The following ADAMTS19 variants were observed in gnomAD, a reference collection of about 807,000 sequenced individuals.
ADAMTS19 encodes A disintegrin and metalloproteinase with thrombospondin motifs 19.
A neutral mutation model predicts 153.3 loss-of-function variants in ADAMTS19; 93 were observed. The observed-to-expected ratio is 0.61, with a 90% CI of 0.51 to 0.72. The LOEUF (loss-of-function observed/expected upper bound fraction) is 0.72, where lower values mean the gene tolerates loss of function less well. ADAMTS19 is among the 30% of genes least tolerant of loss of function. ADAMTS19 has a pLI of 0.00. For missense variants in ADAMTS19, 1,482 were observed against 1,552.1 expected (o/e 0.95, Z 0.76); for synonymous variants, 600 against 556.6 (o/e 1.08, Z -1.10).
intron 3 of ADAMTS19, among the ~76,000 whole-genome samples, chr5:129,518,320 AC>A (rs1751682139): frequency 6.6e-6 from 1 of 151,948 alleles, no homozygotes; most frequent in Non-Finnish European, 1.5e-5. Flanking sequence ...ATTATGTATT[AC>A]TCATTAATGT....
intron 21 of ADAMTS19, among the ~76,000 whole-genome samples, chr5:129,707,169 T>G (rs1756200620): frequency 6.6e-6 from 1 of 152,200 alleles, no homozygotes; most frequent in African/African-American, 2.4e-5. Flanking sequence ...ACTTTTTGCA[T>G]ATGTGGGTTC....
intron 21 of ADAMTS19, among the ~76,000 whole-genome samples, chr5:129,722,130 C>T (rs1444125793): frequency 6.6e-6 from 1 of 152,140 alleles, no homozygotes; most frequent in East Asian, 1.9e-4. Context: ...AATGGGATTG[C>T]TGGATCAAAT....
At chr5:129,649,429 T>C (rs987267265) in intron 13 of ADAMTS19, among the ~76,000 whole-genome samples, 2 of 152,200 alleles carry the variant, frequency 1.3e-5, no homozygotes, top group African/African-American at 4.8e-5. Context: ...CTCAGAGCAT[T>C]ATGCTGAGTG....
At chr5:129,684,060 C>A in intron 17 of ADAMTS19, 60 bp from the exon 18 acceptor site, 2 of 1,495,676 alleles carry the variant, frequency 1.3e-6, no homozygotes, top group Non-Finnish European at 1.8e-6. Flanking sequence ...TAATTTTATG[C>A]TTTACATTGC....
Position 129,622,237 on chromosome 5 carries a change from G to A in ADAMTS19, c.1659G>A (p.Gln553=), listed in dbSNP as rs1581156361. ...ASNCLLQTNP[Q]SVNSVMVPSK... ...ACTGCTTGCTACAAACAAATCCGCA[G>A]AGTGTCAATTCTGTGATGGTTCCCT... The change falls in exon 10 of 23, where the codon CAG becomes CAA. Residue 553 remains glutamine, a synonymous_variant. Transcript: ENST00000274487. 3 of 1,614,076 alleles carry A rather than the reference G, an allele frequency of 1.9e-6. No individual in the cohort carries two copies. The highest frequency in any genetic ancestry group is 2.5e-6 in the Non-Finnish European group (3 of 1,179,984).
chr5:129,476,029 T>C (rs1238554187), intron 2 of ADAMTS19, among the ~76,000 whole-genome samples: 1 of 152,172 alleles, frequency 6.6e-6, no homozygotes, highest in Non-Finnish European at 1.5e-5. Context: ...TTATTTTTTT[T>C]TCTCTGTGAA....
At position 129,702,929 on chromosome 5, in the gene ADAMTS19, C is replaced by CAAAAAAAAAAA. The variant is rs376208133; in HGVS notation, c.3160-1307_3160-1297dup. 2.8e-3 allele frequency among the ~76,000 whole-genome samples: 125 copies of CAAAAAAAAAAA among 44,012 alleles called. 2 individuals are homozygous for CAAAAAAAAAAA. Among genetic ancestry groups the CAAAAAAAAAAA allele is most frequent in the African/African-American group, 0.011 (116 of 10,468 alleles). The allele number at this position is 44,012 out of a possible 152,430, so 28.9% of individuals were successfully genotyped here. ...ATGAATCAGGCATAGTTTGACTTGC[C>CAAAAAAAAAAA]AAAAAAAAAAAAATATATATATATA... On this transcript the variant is annotated intron_variant, in intron 20 of 22. Transcript: ENST00000274487.
At chr5:129,549,563 C>G (rs1349344870) in intron 6 of ADAMTS19, among the ~76,000 whole-genome samples, 3 of 151,302 alleles carry the variant, frequency 2.0e-5, no homozygotes, top group African/African-American at 7.3e-5. Flanking sequence ...ATAAACAAAT[C>G]AAAAATTAGA....
intron 3 of ADAMTS19, among the ~76,000 whole-genome samples, chr5:129,524,952 G>A (rs1017118504): frequency 1.3e-5 from 2 of 152,026 alleles, no homozygotes; most frequent in Non-Finnish European, 2.9e-5. Context: ...CTTTTCGTCA[G>A]TATTATGTGG....
Position 129,461,887 on chromosome 5 carries a change from C to T in ADAMTS19, c.747+130C>T, listed in dbSNP as rs1482921166. The T allele has an allele frequency of 2.3e-6, 3 of 1,290,180 alleles. No homozygotes were observed. The highest frequency in any genetic ancestry group is 3.1e-5 in the African/African-American group (2 of 65,364). The allele number at this position is 1,290,180 out of a possible 1,614,324, so 79.9% of individuals were successfully genotyped here. On this transcript the variant is annotated intron_variant, in intron 2 of 22. Coordinates refer to ENST00000274487, the MANE Select transcript of ADAMTS19 (RefSeq NM_133638.6). The surrounding 1 kb of genome is among the most constrained non-coding windows in gnomAD (Gnocchi z 4.6). ...TTTTGAGCTTGGCCCTAGACTGCAC[C>T]CCCAGGTGTCTACATCGTTTGCCTC...
intron 8 of ADAMTS19, among the ~76,000 whole-genome samples, chr5:129,597,717 C>G (rs1043587546): frequency 6.6e-6 from 1 of 151,692 alleles, no homozygotes; most frequent in Non-Finnish European, 1.5e-5. Context: ...CCATCCTGGC[C>G]AACATGAAAC....
Position 129,460,320 on chromosome 5 carries a change from G to A in ADAMTS19, c.-72G>A, listed in dbSNP as rs1040744956. Reference sequence around the variant, plus strand: ...CCCGGCCTCCTAGCGCTCCGGGGAGGCCGCTGCGCCCCGGAGTGGATCGCG... The same window carrying A: ...CCCGGCCTCCTAGCGCTCCGGGGAGACCGCTGCGCCCCGGAGTGGATCGCG... On this transcript the variant is annotated 5_prime_UTR_variant, in exon 1 of 23. Coordinates refer to ENST00000274487, the MANE Select transcript of ADAMTS19 (RefSeq NM_133638.6). 2 of 1,378,262 alleles carry A rather than the reference G, an allele frequency of 1.5e-6. No individual in the cohort carries two copies. Among genetic ancestry groups the A allele is most frequent in the South Asian group, 1.2e-5 (1 of 85,100 alleles). The allele number at this position is 1,378,262 out of a possible 1,614,324, so 85.4% of individuals were successfully genotyped here. A position where few individuals can be genotyped will look rare whatever the true frequency, so the allele number is the denominator to read the frequency against.
intron 2 of ADAMTS19, among the ~76,000 whole-genome samples, chr5:129,492,063 G>A: frequency 6.6e-6 from 1 of 152,160 alleles, no homozygotes; most frequent in East Asian, 1.9e-4. Context: ...TTATGGTTCT[G>A]CAGGCTGTAT....
chr5:129,644,051 A>AT (rs932131406), intron 11 of ADAMTS19, among the ~76,000 whole-genome samples: 2 of 151,980 alleles, frequency 1.3e-5, no homozygotes, highest in Non-Finnish European at 2.9e-5. Context: ...TTCTGCTATG[A>AT]TTTTTTCCCT....
At chr5:129,460,664 G>A in intron 1 of ADAMTS19, 182 bp downstream of exon 1, 2 of 656,886 alleles carry the variant, frequency 3.0e-6, no homozygotes, top group Non-Finnish European at 5.3e-6. Flanking sequence ...ACTTCTGCCG[G>A]CCTCGTTTTA....
intron 6 of ADAMTS19, among the ~76,000 whole-genome samples, chr5:129,541,954 A>G (rs1027524298): frequency 6.6e-6 from 1 of 152,138 alleles, no homozygotes; most frequent in African/African-American, 2.4e-5. Context: ...ATTTATAATA[A>G]TAATGCTAGA....
chr5:129,529,334 A>G (rs1036118411), intron 6 of ADAMTS19, among the ~76,000 whole-genome samples: 1 of 152,162 alleles, frequency 6.6e-6, no homozygotes, highest in Non-Finnish European at 1.5e-5. Context: ...TTAGCGTTTC[A>G]CATCACAGTA....
At chr5:129,724,349 G>A (rs574273845) in intron 21 of ADAMTS19, among the ~76,000 whole-genome samples, 7 of 152,178 alleles carry the variant, frequency 4.6e-5, no homozygotes, top group East Asian at 1.9e-4. Context: ...CTTTTTTAAC[G>A]TTAATGCTGG....
chr5:129,555,170 T>A (rs879763271), intron 7 of ADAMTS19, among the ~76,000 whole-genome samples: 1 of 152,134 alleles, frequency 6.6e-6, no homozygotes, highest in Non-Finnish European at 1.5e-5. Context: ...TAGTATTTAT[T>A]AGTTTGGATC....
Sources: gnomAD v4.1 joint callset for allele counts (sites outside exome capture counted in the v4.1 genomes callset) on GRCh38, gnomAD v4.1.1 for gene constraint, Gnocchi (gnomAD v3.1) non-coding constraint, MANE v1.5 for transcripts, NCBI Gene and HGNC (gene_info 2026-07-23, HGNC 2026-07-21) for gene names.